IMMP2L: variants seen among roughly 807,000 people sequenced by gnomAD.
The protein encoded by IMMP2L is inner mitochondrial membrane peptidase subunit 2, also known as mitochondrial inner membrane protease subunit 2.
IMMP2L carries 18 observed loss-of-function variants against 19.3 expected under a neutral mutation model. That is an observed-to-expected ratio of 0.93 (90% confidence interval 0.64 to 1.38). The LOEUF is 1.38. Ranked by LOEUF, IMMP2L falls within the 40% of genes most tolerant of loss-of-function variation. IMMP2L has a pLI of 0.00. For synonymous variants in IMMP2L, 76 were observed against 73.0 expected, an observed-to-expected ratio of 1.04 and a Z score of -0.21; for missense variants, 233 against 218.2, an observed-to-expected ratio of 1.07 and a Z score of -0.43.
chr7:110,848,400 T>C lies in IMMP2L; in HGVS notation c.408+38193A>G, dbSNP rs544285452. Among the ~76,000 whole-genome samples, 4 of 152,262 alleles carry C rather than the reference T, an allele frequency of 2.6e-5. No individual in the cohort carries two copies. In the East Asian group the frequency reaches 5.8e-4, roughly 22 times the overall value. On this transcript the variant is annotated intron_variant, in intron 5 of 5. Transcript: ENST00000405709. Reference sequence around the variant, plus strand: ...TCAGGAGGGCCAAAATCCGAAATGCTGACAACCCCAAATTCTGGTGAGGAT... The same window carrying C: ...TCAGGAGGGCCAAAATCCGAAATGCCGACAACCCCAAATTCTGGTGAGGAT...
At chr7:110,918,446 TTTTTTC>T (rs1813865743) in intron 4 of IMMP2L, among the ~76,000 whole-genome samples, 2 of 145,322 alleles carry the variant, frequency 1.4e-5, no homozygotes, top group African/African-American at 5.4e-5. Flanking sequence ...TTTCTTTTCT[TTTTTTC>T]TTTTTTTTTT....
chr7:111,476,278 G>T (rs558842535), intron 3 of IMMP2L, among the ~76,000 whole-genome samples: 41 of 152,214 alleles, frequency 2.7e-4, no homozygotes, highest in Non-Finnish European at 5.0e-4. Context: ...GAGGCTTTCA[G>T]ATTTGTTTCA....
chr7:111,133,221 A>G (rs981603498), intron 3 of IMMP2L, among the ~76,000 whole-genome samples: 5 of 152,018 alleles, frequency 3.3e-5, no homozygotes, highest in African/African-American at 1.2e-4. Context: ...CCTAAAACTG[A>G]GAGTGAAAAG....
chr7:110,928,496 CG>C (rs1563087588), intron 4 of IMMP2L, among the ~76,000 whole-genome samples: 1 of 132,168 alleles, frequency 7.6e-6, no homozygotes, highest in African/African-American at 2.8e-5. Context: ...AAAAGGAAAA[CG>C]ATGATTTTTA....
chr7:111,341,343 A>G (rs1826988675), intron 3 of IMMP2L, among the ~76,000 whole-genome samples: 1 of 152,082 alleles, frequency 6.6e-6, no homozygotes, highest in Non-Finnish European at 1.5e-5. Context: ...TTGCATTCTA[A>G]TGGAGGGAAA....
At chr7:111,545,514 C>T (rs1179584198) in intron 1 of IMMP2L, among the ~76,000 whole-genome samples, 1 of 152,138 alleles carries the variant, frequency 6.6e-6, no homozygotes, top group Non-Finnish European at 1.5e-5. Context: ...CCTCAGCCTC[C>T]TGAGTAGCTG....
At chr7:111,500,042 T>A (rs1251079877) in intron 2 of IMMP2L, among the ~76,000 whole-genome samples, 2 of 152,034 alleles carry the variant, frequency 1.3e-5, no homozygotes, top group Non-Finnish European at 2.9e-5. Flanking sequence ...GGTCAGGGAG[T>A]TCCCTTTCCT....
At chr7:111,292,682 T>G (rs1257700948) in intron 3 of IMMP2L, among the ~76,000 whole-genome samples, 4 of 151,882 alleles carry the variant, frequency 2.6e-5, no homozygotes, top group African/African-American at 7.3e-5. Context: ...GTGGGCCAGG[T>G]GGGTTTAGAT....
chr7:110,806,853 C>T (rs576279907), intron 5 of IMMP2L, among the ~76,000 whole-genome samples: 2 of 151,992 alleles, frequency 1.3e-5, no homozygotes, highest in Non-Finnish European at 2.9e-5. Flanking sequence ...ACAAAGGACT[C>T]TTAGAAAGTA....
At chr7:111,224,231 C>T (rs151048629) in intron 3 of IMMP2L, among the ~76,000 whole-genome samples, 87 of 152,142 alleles carry the variant, frequency 5.7e-4, no homozygotes, top group Middle Eastern at 3.4e-3. Flanking sequence ...TTCAGAACCA[C>T]AAGTGAGAAT....
chr7:110,766,673 A>C (rs1798688650), intron 5 of IMMP2L, among the ~76,000 whole-genome samples: 1 of 151,948 alleles, frequency 6.6e-6, no homozygotes, highest in South Asian at 2.1e-4. Flanking sequence ...AAATAAAATC[A>C]CATTAATTTG....
intron 5 of IMMP2L, among the ~76,000 whole-genome samples, chr7:110,780,539 T>C (rs1799665113): frequency 6.6e-6 from 1 of 151,720 alleles, no homozygotes; most frequent in South Asian, 2.1e-4. Flanking sequence ...TCACCTCTCA[T>C]CTCACAACTC....
chr7:111,249,441 A>G (rs528105779), intron 3 of IMMP2L, among the ~76,000 whole-genome samples: 1,518 of 148,656 alleles, frequency 0.01, 28 homozygotes, highest in African/African-American at 0.035. Context: ...AGTGAGATGA[A>G]CCCGGTACCT....
At chr7:110,798,774 T>C (rs1801042612) in intron 5 of IMMP2L, among the ~76,000 whole-genome samples, 1 of 151,870 alleles carries the variant, frequency 6.6e-6, no homozygotes, top group Admixed American at 6.6e-5. Flanking sequence ...TTTCAGTTCT[T>C]ATTATCTGAT....
intron 5 of IMMP2L, among the ~76,000 whole-genome samples, chr7:110,694,711 G>C (rs189662615): frequency 7.2e-5 from 11 of 152,072 alleles, no homozygotes; most frequent in African/African-American, 2.4e-4. Flanking sequence ...ATATATGATC[G>C]AGCAATTTCA....
At chr7:111,059,941 A>T (rs1377758697) in intron 3 of IMMP2L, among the ~76,000 whole-genome samples, 1 of 152,078 alleles carries the variant, frequency 6.6e-6, no homozygotes, top group Non-Finnish European at 1.5e-5. Flanking sequence ...AAAAAGAAAA[A>T]AAAAGAACTC....
chr7:111,347,278 G>C (rs1454190703), intron 3 of IMMP2L, among the ~76,000 whole-genome samples: 1 of 151,996 alleles, frequency 6.6e-6, no homozygotes, highest in Non-Finnish European at 1.5e-5. Context: ...TGGTTAAGAA[G>C]GAAAGCAGAG....
chr7:111,077,095 G>T (rs749019117), intron 3 of IMMP2L, among the ~76,000 whole-genome samples: 2 of 152,072 alleles, frequency 1.3e-5, no homozygotes, highest in African/African-American at 4.8e-5. Flanking sequence ...ACAACCTAAG[G>T]CCTTTGTATT....
intron 5 of IMMP2L, among the ~76,000 whole-genome samples, chr7:110,882,291 T>TG (rs761291073): frequency 0.032 from 1,857 of 58,472 alleles, 50 homozygotes; most frequent in African/African-American, 0.093. Flanking sequence ...TCAAGTGCCT[T>TG]CCTTCCTTCC....
Sources: allele counts gnomAD v4.1 joint callset (sites outside exome capture counted in the v4.1 genomes callset), GRCh38; gene constraint gnomAD v4.1.1; transcripts MANE v1.5; gene names NCBI Gene and HGNC (gene_info 2026-07-23, HGNC 2026-07-21).